The following AP3S1 variants were observed in gnomAD, a reference collection of about 807,000 sequenced individuals.
The protein encoded by AP3S1 is adaptor related protein complex 3 subunit sigma 1.
In AP3S1, 12 loss-of-function variants were observed where a neutral mutation model predicts 21.3. That is an observed-to-expected ratio of 0.56 (90% confidence interval 0.36 to 0.91). AP3S1 has a LOEUF of 0.91. Among genes scored for constraint, AP3S1 ranks in the 40% least tolerant of loss-of-function variants. The pLI is 0.01. For synonymous variants in AP3S1, 48 were observed against 78.4 expected (o/e 0.61, Z 2.05); for missense variants, 116 against 225.0 (o/e 0.52, Z 3.10).
At chr5:115,910,864 AT>A (rs1302278722) in intron 5 of AP3S1, among the ~76,000 whole-genome samples, 1 of 152,126 alleles carries the variant, frequency 6.6e-6, no homozygotes, top group Non-Finnish European at 1.5e-5. Context: ...ACAACTTTAA[AT>A]TTTCCTACCA....
chr5:115,877,820 G>T (rs1561499015), intron 3 of AP3S1, among the ~76,000 whole-genome samples: 1 of 152,172 alleles, frequency 6.6e-6, no homozygotes, highest in African/African-American at 2.4e-5. Context: ...CCCACCAACA[G>T]TGTAAAAGCG....
At chr5:115,845,050 C>G (rs1472164721) in intron 1 of AP3S1, among the ~76,000 whole-genome samples, 1 of 152,088 alleles carries the variant, frequency 6.6e-6, no homozygotes, top group Non-Finnish European at 1.5e-5. Flanking sequence ...AAATGTAGTC[C>G]TTCACTAACT....
rs1761568982 is a variant in AP3S1 at position 115,841,950 on chromosome 5, A to G, written c.-88A>G. 1.3e-6 allele frequency: 2 copies of G among 1,518,796 alleles called. No homozygotes were observed. Among genetic ancestry groups the G allele is most frequent in the South Asian group, 1.2e-5 (1 of 80,998 alleles). 94.1% of individuals were successfully genotyped at this position (1,518,796 alleles called of 1,614,324 possible). On this transcript the variant is annotated 5_prime_UTR_variant, in exon 1 of 6. Coordinates refer to ENST00000316788, the MANE Select transcript of AP3S1 (RefSeq NM_001284.4). ...CGCGTGCGGGAGGGGGCGGGTGGGG[A>G]AGGATCGCAGGCGAGATTACGAGGC...
At chr5:115,898,423 G>A (rs966478065) in intron 4 of AP3S1, among the ~76,000 whole-genome samples, 3 of 152,194 alleles carry the variant, frequency 2.0e-5, no homozygotes, top group Non-Finnish European at 4.4e-5. Flanking sequence ...CCCTGAAGTA[G>A]TGGGACAGAC....
intron 3 of AP3S1, among the ~76,000 whole-genome samples, chr5:115,889,690 A>T (rs1310683577): frequency 6.6e-6 from 1 of 152,226 alleles, no homozygotes; most frequent in South Asian, 2.1e-4. Context: ...AAGAATTCCT[A>T]TACATCAATA....
intron 5 of AP3S1, among the ~76,000 whole-genome samples, chr5:115,906,061 C>G (rs6880372): frequency 0.21 from 31,543 of 152,036 alleles, 3,903 homozygotes; most frequent in African/African-American, 0.33. Flanking sequence ...TGGAGCCTGA[C>G]GCGCAAGAAT....
chr5:115,889,909 C>T (rs1395093478), intron 3 of AP3S1, among the ~76,000 whole-genome samples: 1 of 152,030 alleles, frequency 6.6e-6, no homozygotes, highest in African/African-American at 2.4e-5. Flanking sequence ...TGAAAAGGTA[C>T]GCAGTCTTAT....
At chr5:115,846,362 G>A (rs182291266) in intron 1 of AP3S1, among the ~76,000 whole-genome samples, 191 of 152,178 alleles carry the variant, frequency 1.3e-3, no homozygotes, top group African/African-American at 4.4e-3. Flanking sequence ...AATTATCTTA[G>A]TTGTTTCTTC....
intron 3 of AP3S1, among the ~76,000 whole-genome samples, chr5:115,880,166 T>C (rs1220585124): frequency 6.6e-6 from 1 of 152,160 alleles, no homozygotes; most frequent in Non-Finnish European, 1.5e-5. Flanking sequence ...CCTGGAGTCA[T>C]TGATTTTTTG....
At chr5:115,872,092 T>C (rs974977522) in intron 3 of AP3S1, among the ~76,000 whole-genome samples, 1 of 152,076 alleles carries the variant, frequency 6.6e-6, no homozygotes, top group Non-Finnish European at 1.5e-5. Context: ...GCTGAGCAGA[T>C]CACTTGAGCC....
intron 4 of AP3S1, among the ~76,000 whole-genome samples, chr5:115,901,988 AT>A (rs1420700742): frequency 2.6e-5 from 4 of 152,198 alleles, no homozygotes; most frequent in Non-Finnish European, 4.4e-5. Context: ...TAAATTATTT[AT>A]TTAATTGTTA....
chr5:115,851,221 T>A (rs1327820463), intron 1 of AP3S1, among the ~76,000 whole-genome samples: 3 of 152,226 alleles, frequency 2.0e-5, no homozygotes, highest in Non-Finnish European at 4.4e-5. Flanking sequence ...ATTTTGTTTA[T>A]CCGTTTGTCA....
intron 3 of AP3S1, among the ~76,000 whole-genome samples, chr5:115,886,172 G>C (rs996474997): frequency 6.6e-6 from 1 of 152,154 alleles, no homozygotes; most frequent in South Asian, 2.1e-4. Context: ...TGGGATTACT[G>C]CAAAGGCTCA....
rs142209708 is a variant in AP3S1, at chr5:115,846,415, A to G, written c.69+4309A>G. On this transcript the variant is annotated intron_variant, in intron 1 of 5. Transcript: ENST00000316788. Reference sequence around the variant, plus strand: ...TGTATGTATGCATGTGTGTGTACACACCACACACATATTAAGTGCAAGCAG... The same window carrying G: ...TGTATGTATGCATGTGTGTGTACACGCCACACACATATTAAGTGCAAGCAG... Among the ~76,000 whole-genome samples the G allele has an allele frequency of 5.0e-3, 764 of 152,346 alleles. 5 individuals are homozygous for G. The highest frequency in any genetic ancestry group is 8.7e-3 in the Non-Finnish European group (591 of 68,026).
intron 1 of AP3S1, among the ~76,000 whole-genome samples, chr5:115,861,581 G>T (rs896084873): frequency 6.6e-6 from 1 of 151,968 alleles, no homozygotes; most frequent in Admixed American, 6.6e-5. Context: ...TTGAGGCAGG[G>T]TCTTGCTCTG....
chr5:115,863,675 G>C (rs145703146), intron 1 of AP3S1, among the ~76,000 whole-genome samples: 39 of 152,296 alleles, frequency 2.6e-4, no homozygotes, highest in African/African-American at 8.4e-4. Flanking sequence ...ACGTCGTATT[G>C]AAAATCCAGC....
chr5:115,909,335 T>C (rs987241022), intron 5 of AP3S1, among the ~76,000 whole-genome samples: 3 of 152,214 alleles, frequency 2.0e-5, no homozygotes, highest in African/African-American at 7.2e-5. Context: ...ACAAATCATA[T>C]CCATCCATTA....
chr5:115,848,878 T>A (rs1174203880), intron 1 of AP3S1, among the ~76,000 whole-genome samples: 1 of 152,220 alleles, frequency 6.6e-6, no homozygotes, highest in Non-Finnish European at 1.5e-5. Flanking sequence ...TGCTGAAGAA[T>A]CAAGCAACTC....
intron 1 of AP3S1, among the ~76,000 whole-genome samples, chr5:115,849,594 T>C (rs1005477034): frequency 1.3e-5 from 2 of 152,204 alleles, no homozygotes; most frequent in Non-Finnish European, 2.9e-5. Flanking sequence ...CCCAGCATGT[T>C]CTCCACAAGA....
Sources: allele counts gnomAD v4.1 joint callset (sites outside exome capture counted in the v4.1 genomes callset), GRCh38; gene constraint gnomAD v4.1.1; transcripts MANE v1.5; gene names NCBI Gene and HGNC (gene_info 2026-07-23, HGNC 2026-07-21).